Variants in PRMT2 observed in about 807,000 individuals in gnomAD.
PRMT2 encodes the protein protein arginine N-methyltransferase 2.
In PRMT2, 26 loss-of-function variants were observed where a neutral mutation model predicts 57.6. That is an observed-to-expected ratio of 0.45 (90% confidence interval 0.33 to 0.63). PRMT2 has a LOEUF of 0.63. Among genes scored for constraint, PRMT2 ranks in the 20% least tolerant of loss-of-function variants. PRMT2 has a pLI of 0.02. For synonymous variants in PRMT2, 219 were observed against 220.0 expected, an observed-to-expected ratio of 1.00 and a Z score of 0.04; for missense variants, 472 against 564.4, an observed-to-expected ratio of 0.84 and a Z score of 1.66.
intron 3 of PRMT2, chr21:46,643,211 T>C (rs2061308111): frequency 5.4e-6 from 1 of 184,870 alleles, no homozygotes; most frequent in East Asian, 1.6e-4. Flanking sequence ...TTTCTCTTCA[T>C]GGGGTTGATG....
chr21:46,654,197 C>A, intron 7 of PRMT2: 1 of 907,082 alleles, frequency 1.1e-6, no homozygotes, highest in Middle Eastern at 5.6e-4. Context: ...ATGTTCATGG[C>A]AGCACCGTTT....
At chr21:46,651,708 A>G (rs2061456252) in intron 7 of PRMT2, 1 of 1,361,658 alleles carries the variant, frequency 7.3e-7, no homozygotes, top group South Asian at 1.3e-5. Flanking sequence ...CTATGGCGAT[A>G]GTTGTTGGGG....
intron 7 of PRMT2, chr21:46,654,029 A>C: frequency 1.0e-6 from 1 of 990,124 alleles, no homozygotes; most frequent in Non-Finnish European, 1.2e-6. Context: ...CTGAGGGCAC[A>C]TTCACCTCGG....
At chr21:46,643,950 A>G (rs2839372) in intron 4 of PRMT2, among the ~76,000 whole-genome samples, 120,881 of 152,182 alleles carry the variant, frequency 0.79, 48,309 homozygotes, top group East Asian at 0.9. Flanking sequence ...CTGCTTGGAC[A>G]TAGCTTTGTT....
chr21:46,647,023 A>G (rs2061375317), intron 5 of PRMT2, among the ~76,000 whole-genome samples: 2 of 152,226 alleles, frequency 1.3e-5, no homozygotes, highest in African/African-American at 4.8e-5. Flanking sequence ...TCTTAATGCC[A>G]TCACACTGAC....
intron 9 of PRMT2, chr21:46,661,299 AAGTAT>A (rs1403153699): frequency 2.7e-5 from 5 of 185,924 alleles, no homozygotes; most frequent in African/African-American, 1.2e-4. Context: ...AGTTTTTTTC[AAGTAT>A]TTTAAGCCAC....
At chr21:46,650,035 A>T (rs1193492247) in intron 7 of PRMT2, 1 of 1,313,828 alleles carries the variant, frequency 7.6e-7, no homozygotes, top group African/African-American at 1.5e-5. Flanking sequence ...CCTAACAGGT[A>T]AGGCTGTTTC....
At chr21:46,642,225 A>C (rs1199556987) in intron 3 of PRMT2, among the ~76,000 whole-genome samples, 1 of 152,224 alleles carries the variant, frequency 6.6e-6, no homozygotes, top group East Asian at 1.9e-4. Context: ...GTACATACAG[A>C]ATGATTTATG....
intron 5 of PRMT2, among the ~76,000 whole-genome samples, chr21:46,645,575 TAAAACTAGATG>T (rs2061352386): frequency 6.6e-6 from 1 of 152,184 alleles, no homozygotes; most frequent in African/African-American, 2.4e-5. Context: ...GGTTACATTT[TAAAACTAGATG>T]AAAACAGTTA....
chr21:46,662,617 C>T (rs1277373346), intron 10 of PRMT2, among the ~76,000 whole-genome samples: 4 of 151,980 alleles, frequency 2.6e-5, no homozygotes, highest in East Asian at 1.9e-4. Context: ...AGTCTGGGGG[C>T]GTGGAGGGGG....
chr21:46,648,171 A>C lies in PRMT2; in HGVS notation c.328-287A>C, dbSNP rs1366371785. ...TTTGTTTAATATCTCTTAGTATTTT[A>C]AGATAAGGACAATATCTCTTTGTCA... On this transcript the variant is annotated intron_variant, in intron 5 of 11. Coordinates refer to ENST00000355680, the MANE Select transcript of PRMT2 (RefSeq NM_206962.4). The surrounding 1 kb of genome is among the most constrained non-coding windows in gnomAD (Gnocchi z 4.8). The C allele has an allele frequency of 6.3e-6, 2 of 318,832 alleles. No individual in the cohort carries two copies. The highest frequency in any genetic ancestry group is 4.1e-5 in the African/African-American group (2 of 49,136). The allele number at this position is 318,832 out of a possible 1,614,324, so 19.8% of individuals were successfully genotyped here. A position where few individuals can be genotyped will look rare whatever the true frequency, so the allele number is the denominator to read the frequency against.
intron 7 of PRMT2, chr21:46,657,066 A>G (rs939911993): frequency 1.3e-5 from 2 of 152,364 alleles, no homozygotes; most frequent in Middle Eastern, 3.4e-3. Context: ...GATGTTCAGC[A>G]TAGCCATCAG....
At chr21:46,660,564 G>GC (rs1048615446) in intron 8 of PRMT2, among the ~76,000 whole-genome samples, 9 of 152,190 alleles carry the variant, frequency 5.9e-5, no homozygotes, top group Non-Finnish European at 1.2e-4. Flanking sequence ...TCACAGGGAA[G>GC]CGCCCAGTGA....
chr21:46,636,354 A>G (rs1392757042), intron 1 of PRMT2, 85 bp from the exon 2 acceptor site: 1 of 152,384 alleles, frequency 6.6e-6, no homozygotes, highest in East Asian at 1.9e-4. Flanking sequence ...TATCACAAAA[A>G]TAAGCTTCAA....
At chr21:46,643,126 G>A (rs952666620) in intron 3 of PRMT2, among the ~76,000 whole-genome samples, 3 of 152,074 alleles carry the variant, frequency 2.0e-5, no homozygotes, top group African/African-American at 4.8e-5. Flanking sequence ...TTTGTGCCAT[G>A]CCATCAGCTC....
chr21:46,658,047 A>G (rs2061565552), intron 7 of PRMT2: 1 of 152,312 alleles, frequency 6.6e-6, no homozygotes, highest in Non-Finnish European at 1.5e-5. Flanking sequence ...GTTGTTTCTC[A>G]TCAACTACAG....
At chr21:46,660,199 G>A (rs897354856) in intron 8 of PRMT2, 3 of 975,878 alleles carry the variant, frequency 3.1e-6, no homozygotes, top group Non-Finnish European at 3.7e-6. Flanking sequence ...GTAAATAATC[G>A]GTGACTTACA....
intron 5 of PRMT2, among the ~76,000 whole-genome samples, chr21:46,647,109 A>G (rs902905278): frequency 2.0e-5 from 3 of 149,680 alleles, no homozygotes; most frequent in African/African-American, 2.6e-5. Context: ...TCATTTCCCT[A>G]CCACAAATCA....
chr21:46,643,154 C>G lies in PRMT2; in HGVS notation c.40-381C>G, dbSNP rs113878619. 1.5e-4 allele frequency: 23 copies of G among 156,364 alleles called. 2 individuals carry two copies. The highest frequency in any genetic ancestry group is 5.3e-4 in the African/African-American group (22 of 41,638). 9.7% of individuals were successfully genotyped at this position (156,364 alleles called of 1,614,324 possible). A position where few individuals can be genotyped will look rare whatever the true frequency, so the allele number is the denominator to read the frequency against. ...ATCAGCTCTTTCCACAGGCCCCTGG[C>G]TGTGCCTGCCTGGGGCGCTGGGCCC... On this transcript the variant is annotated intron_variant, in intron 3 of 11. Transcript: ENST00000355680.
Sources: gnomAD v4.1 joint callset for allele counts (sites outside exome capture counted in the v4.1 genomes callset) on GRCh38, gnomAD v4.1.1 for gene constraint, Gnocchi (gnomAD v3.1) non-coding constraint, MANE v1.5 for transcripts, NCBI Gene and HGNC (gene_info 2026-07-23, HGNC 2026-07-21) for gene names.